LAPTM5: variants seen among roughly 807,000 people sequenced by gnomAD.
LAPTM5 encodes lysosomal protein transmembrane 5.
In LAPTM5, 11 loss-of-function variants were observed where a neutral mutation model predicts 30.1. That is an observed-to-expected ratio of 0.37 (90% CI 0.23 to 0.60). LAPTM5 has a LOEUF of 0.60. Ranked by LOEUF, LAPTM5 falls within the 20% of genes least tolerant of loss-of-function variation. LAPTM5 has a pLI of 0.71. For missense variants in LAPTM5, 324 were observed against 332.5 expected (o/e 0.97, Z 0.20); for synonymous variants, 151 against 137.9 (o/e 1.10, Z -0.67).
chr1:30,755,674 TAAC>T (rs1427945270), intron 1 of LAPTM5, among the ~76,000 whole-genome samples: 3 of 152,118 alleles, frequency 2.0e-5, no homozygotes, highest in African/African-American at 7.2e-5. Flanking sequence ...CAAGAAACCT[TAAC>T]AGCCCCACAG....
chr1:30,740,969 G>A (rs553226164), intron 3 of LAPTM5, among the ~76,000 whole-genome samples: 1 of 152,316 alleles, frequency 6.6e-6, no homozygotes, highest in South Asian at 2.1e-4. Flanking sequence ...ATGTGGTGAG[G>A]CCCTGGCTTC....
At position 30,739,041 on chromosome 1, in the gene LAPTM5, TCAGGGGGAA is replaced by T. The variant is rs780937685; in HGVS notation, c.400_408del (p.Phe134_Leu136del). The T allele has an allele frequency of 6.2e-7, 1 of 1,600,642 alleles. No individual in the cohort carries two copies. ...CAGAAGTCCAGCAGCTGCAGCGTCATCAGGGGGAACTTGGAGGAGCTCTGGGGAGGACAA... is the reference window on the plus strand; with the variant it reads ...CAGAAGTCCAGCAGCTGCAGCGTCATCTTGGAGGAGCTCTGGGGAGGACAA... On this transcript the variant is annotated inframe_deletion, in exon 5 of 8. Coordinates refer to ENST00000294507, the MANE Select transcript of LAPTM5 (RefSeq NM_006762.3). The surrounding 1 kb of genome is among the most constrained non-coding windows in gnomAD (Gnocchi z 4.2).
At chr1:30,736,255 G>A (rs1014749477) in intron 6 of LAPTM5, among the ~76,000 whole-genome samples, 3 of 152,052 alleles carry the variant, frequency 2.0e-5, no homozygotes, top group African/African-American at 7.3e-5. Flanking sequence ...TTGGCATTAG[G>A]TGACAGCAGA....
intron 6 of LAPTM5, among the ~76,000 whole-genome samples, chr1:30,737,319 T>C (rs1639901523): frequency 6.6e-6 from 1 of 152,200 alleles, no homozygotes; most frequent in African/African-American, 2.4e-5. Context: ...ACAGTGGGGC[T>C]TGGATTCAAA....
chr1:30,734,882 C>A (rs1051572368), intron 7 of LAPTM5, among the ~76,000 whole-genome samples: 2 of 152,202 alleles, frequency 1.3e-5, no homozygotes, highest in African/African-American at 4.8e-5. Flanking sequence ...GTAATTGTAT[C>A]TATGTGTCTG....
intron 1 of LAPTM5, among the ~76,000 whole-genome samples, chr1:30,756,125 C>T (rs1640208608): frequency 6.6e-6 from 1 of 152,158 alleles, no homozygotes; most frequent in Non-Finnish European, 1.5e-5. Flanking sequence ...GGGTGAGGAC[C>T]CAGGGACTTG....
rs756171596 is a variant in LAPTM5, at chr1:30,738,991, G to T, written c.459C>A (p.Ser153Arg). The T allele has an allele frequency of 1.9e-6, 3 of 1,608,206 alleles. No homozygotes were observed. Among genetic ancestry groups the T allele is most frequent in the Non-Finnish European group, 2.5e-6 (3 of 1,177,652 alleles). Residue 153 changes from serine (S) to arginine (R), a missense_variant, in exon 5 of 8, where the codon AGC becomes AGA. Physicochemically the swap from Ser to Arg is moderately radical, Grantham distance 110. Transcript: ENST00000294507. ...DFCLSILTLC[S>R]SYMEVPTYLN... The stretch of plus-strand genomic sequence containing the variant: ...GATAGGTGGGCACTTCCATGTAGGA[G>T]CTGCAGAGGGTCAGGATGCTCAGGC...
Position 30,733,558 on chromosome 1 carries a change from A to T in LAPTM5, c.*270T>A. On this transcript the variant is annotated 3_prime_UTR_variant, in exon 8 of 8. Coordinates refer to ENST00000294507, the MANE Select transcript of LAPTM5 (RefSeq NM_006762.3). ...AACTTTAGAATGGCCAATCGTCTAAACAAGTGTCAGAGCTGATTGAAATAA... is the reference window on the plus strand; with the variant it reads ...AACTTTAGAATGGCCAATCGTCTAATCAAGTGTCAGAGCTGATTGAAATAA... 2 of 1,497,692 alleles carry T rather than the reference A, an allele frequency of 1.3e-6. No homozygotes were observed. The highest frequency in any genetic ancestry group is 1.8e-6 in the Non-Finnish European group (2 of 1,122,710). The allele number at this position is 1,497,692 out of a possible 1,614,324, so 92.8% of individuals were successfully genotyped here.
At position 30,733,650 on chromosome 1, in the gene LAPTM5, G is replaced by T. The variant is rs1037465876; in HGVS notation, c.*178C>A. The T allele has an allele frequency of 1.0e-5, 16 of 1,533,678 alleles. No individual in the cohort carries two copies. Among genetic ancestry groups the T allele is most frequent in the South Asian group, 6.0e-5 (5 of 83,206 alleles). ...TGACTCAGCCTAAAGCGTTGACCCA[G>T]TTGTGAGCAGCTCACAGGCCCTGCA... On this transcript the variant is annotated 3_prime_UTR_variant, in exon 8 of 8. Transcript: ENST00000294507.
Position 30,733,422 on chromosome 1 carries a change from G to T in LAPTM5, c.*406C>A. 2.4e-6 allele frequency: 2 copies of T among 822,276 alleles called. No individual in the cohort carries two copies. The highest frequency in any genetic ancestry group is 3.3e-6 in the Non-Finnish European group (2 of 598,448). 50.9% of individuals were successfully genotyped at this position (822,276 alleles called of 1,614,324 possible). On this transcript the variant is annotated 3_prime_UTR_variant, in exon 8 of 8. Coordinates refer to ENST00000294507, the MANE Select transcript of LAPTM5 (RefSeq NM_006762.3). ...AACTGACAACTATTTATAAATCAAT[G>T]CAATAGACTGTTGTTTGACCAAATT... is the stretch of plus-strand genomic sequence containing the variant.
At chr1:30,753,685 C>T (rs962082977) in intron 1 of LAPTM5, among the ~76,000 whole-genome samples, 2 of 152,116 alleles carry the variant, frequency 1.3e-5, no homozygotes, top group Non-Finnish European at 2.9e-5. Context: ...CTAAATGTAA[C>T]GCGGCATCCT....
intron 1 of LAPTM5, among the ~76,000 whole-genome samples, chr1:30,751,740 A>G (rs1261059788): frequency 6.6e-6 from 1 of 151,818 alleles, no homozygotes; most frequent in Non-Finnish European, 1.5e-5. Context: ...CTCAGTCTCA[A>G]AAAAAAGGGG....
At position 30,739,906 on chromosome 1, in the gene LAPTM5, G is replaced by T; in HGVS notation, c.290C>A (p.Ser97Tyr). The T allele has an allele frequency of 6.2e-7, 1 of 1,605,048 alleles. No homozygotes were observed. Among genetic ancestry groups the T allele is most frequent in the South Asian group, 1.1e-5 (1 of 89,758 alleles). The part of the protein sequence containing the change: ...NREKYLLPFL[S>Y]LQIMDYLLCL... ...CAGGAGATAGTCCATGATTTGCAGG[G>T]ACAGGAAGGGCAGCAGGTACTTCTC... The change falls in exon 4 of 8, where the codon TCC (serine) becomes TAC (tyrosine). Residue 97 changes from serine to tyrosine, a missense_variant. Ser to Tyr is a moderately radical substitution (Grantham distance 144). Coordinates refer to ENST00000294507, the MANE Select transcript of LAPTM5 (RefSeq NM_006762.3). This position sits in a 1 kb window ranked among gnomAD's most constrained non-coding sequence, Gnocchi z 4.2.
intron 1 of LAPTM5, among the ~76,000 whole-genome samples, chr1:30,743,302 A>G (rs1381740351): frequency 1.4e-5 from 2 of 147,432 alleles, no homozygotes; most frequent in Admixed American, 1.3e-4. Context: ...GTATTTGTTG[A>G]ATGAATGAAT....
Position 30,738,973 on chromosome 1 carries a change from G to A in LAPTM5, c.477C>T (p.Pro159=), listed in dbSNP as rs1412749825. ...LTLCSSYMEV[P]TYLNFKSMNH... ...TCATGGACTTGAAGTTGAGATAGGT[G>A]GGCACTTCCATGTAGGAGCTGCAGA... The change falls in exon 5 of 8, where the codon CCC becomes CCT. Residue 159 remains proline, a synonymous_variant. Transcript: ENST00000294507. 1 of 1,607,984 alleles carries A rather than the reference G, an allele frequency of 6.2e-7. No homozygotes were observed. Among genetic ancestry groups the A allele is most frequent in the Non-Finnish European group, 8.5e-7 (1 of 1,177,716 alleles).
At chr1:30,738,881 G>T (rs1461272735) in intron 5 of LAPTM5, 59 bp downstream of exon 5, 1 of 1,540,666 alleles carries the variant, frequency 6.5e-7, no homozygotes, top group East Asian at 2.4e-5. Flanking sequence ...GAGACGTGAA[G>T]TAACCTGTTC....
At chr1:30,749,800 A>G (rs886588905) in intron 1 of LAPTM5, among the ~76,000 whole-genome samples, 4 of 152,180 alleles carry the variant, frequency 2.6e-5, no homozygotes, top group African/African-American at 9.7e-5. Flanking sequence ...GCATTCAGGA[A>G]ACGGCAAGAC....
chr1:30,751,232 C>T (rs12240197), intron 1 of LAPTM5, among the ~76,000 whole-genome samples: 1,995 of 152,346 alleles, frequency 0.013, 40 homozygotes, highest in African/African-American at 0.041. Flanking sequence ...TCAGTTCTGA[C>T]ACTGAGGAGG....
At chr1:30,741,940 G>A in intron 2 of LAPTM5, 1 of 418,556 alleles carries the variant, frequency 2.4e-6, no homozygotes, top group Non-Finnish European at 4.4e-6. Context: ...GGCTGGAGGT[G>A]CAGGCTGGGG....
Sources: gnomAD v4.1 joint callset for allele counts (sites outside exome capture counted in the v4.1 genomes callset) on GRCh38, gnomAD v4.1.1 for gene constraint, Gnocchi (gnomAD v3.1) non-coding constraint, MANE v1.5 for transcripts, NCBI Gene and HGNC (gene_info 2026-07-23, HGNC 2026-07-21) for gene names.